TENT5D: variants seen among roughly 807,000 people sequenced by gnomAD.
TENT5D encodes the protein cancer/testis antigen 112.
For synonymous variants in TENT5D, 103 were observed against 100.6 expected, an observed-to-expected ratio of 1.02 and a Z score of -0.15; for missense variants, 191 against 287.0, an observed-to-expected ratio of 0.67 and a Z score of 2.42.
intron 3 of TENT5D, among the ~76,000 whole-genome samples, chrX:80,397,125 T>C (rs1463750887): frequency 1.0e-5 from 1 of 99,155 alleles, no homozygotes; most frequent in Non-Finnish European, 2.0e-5. Context: ...GGCTCCTCAC[T>C]TCTCAGACAG....
At chrX:80,438,000 A>G (rs997656162) in intron 1 of TENT5D, among the ~76,000 whole-genome samples, 32 of 111,750 alleles carry the variant, frequency 2.9e-4, no homozygotes, top group African/African-American at 1.0e-3. Flanking sequence ...TCAGAAAACA[A>G]TATTGCACTG....
At chrX:80,367,154 A>T (rs1298128336) in intron 3 of TENT5D, among the ~76,000 whole-genome samples, 2 of 111,638 alleles carry the variant, frequency 1.8e-5, no homozygotes, top group Non-Finnish European at 3.8e-5. Context: ...ATAACACTTC[A>T]TGTCTTACTA....
exon 3 of TENT5D, chrX:80,442,571 G>T (rs1258045947): frequency 5.8e-6 from 7 of 1,204,710 alleles, no homozygotes; most frequent in Non-Finnish European, 7.8e-6. Flanking sequence ...AATCTCACTT[G>T]GGATCAAGTT....
At chrX:80,398,524 C>G (rs1386885296) in intron 3 of TENT5D, among the ~76,000 whole-genome samples, 3 of 109,766 alleles carry the variant, frequency 2.7e-5, no homozygotes, top group Non-Finnish European at 5.7e-5. Flanking sequence ...TTCTTTCAGT[C>G]GTTTTATCAT....
At chrX:80,425,108 G>A (rs1931965708) in intron 1 of TENT5D, among the ~76,000 whole-genome samples, 1 of 112,380 alleles carries the variant, frequency 8.9e-6, no homozygotes, top group African/African-American at 3.2e-5. Context: ...TAAACCCTTG[G>A]CAAAACACCA....
intron 3 of TENT5D, among the ~76,000 whole-genome samples, chrX:80,365,615 TG>T (rs1260887207): frequency 1.8e-5 from 2 of 110,273 alleles, no homozygotes; most frequent in African/African-American, 6.6e-5. Flanking sequence ...CCGAGGCGGG[TG>T]GATCACTTGA....
At chrX:80,391,671 A>G (rs987432548) in intron 3 of TENT5D, among the ~76,000 whole-genome samples, 10 of 112,650 alleles carry the variant, frequency 8.9e-5, no homozygotes, top group African/African-American at 3.2e-4. Flanking sequence ...AAGTATACAC[A>G]CATTATTTAT....
intron 2 of TENT5D, among the ~76,000 whole-genome samples, chrX:80,442,204 A>G (rs1329316929): frequency 2.7e-5 from 3 of 111,326 alleles, no homozygotes; most frequent in Non-Finnish European, 5.7e-5. Context: ...TTATATCACC[A>G]AAGAAATACC....
intron 3 of TENT5D, among the ~76,000 whole-genome samples, chrX:80,364,000 A>G (rs1314116940): frequency 8.9e-6 from 1 of 112,428 alleles, no homozygotes; most frequent in Non-Finnish European, 1.9e-5. Flanking sequence ...AAACAATACA[A>G]TATTATTAAC....
chrX:80,356,853 TG>T (rs1930295143), intron 3 of TENT5D, among the ~76,000 whole-genome samples: 1 of 111,371 alleles, frequency 9.0e-6, no homozygotes, highest in South Asian at 3.8e-4. Flanking sequence ...GTTGGTGTGC[TG>T]CACCCATTAA....
Position 80,424,941 on chromosome X carries a change from T to C in TENT5D, c.-142+4378T>C, listed in dbSNP as rs189779937. Among the ~76,000 whole-genome samples the C allele has an allele frequency of 7.1e-5, 8 of 112,412 alleles. No individual in the cohort carries two copies. In the East Asian group the frequency reaches 2.2e-3, roughly 31 times the overall value. The stretch of plus-strand genomic sequence containing the variant: ...TTTCTGAGGTTTCAAGAGCATGGTG[T>C]TCTGGGCCTGTTAGAAAATGACTTT... On this transcript the variant is annotated intron_variant, in intron 1 of 2. Transcript: ENST00000308293.
chrX:80,434,473 A>G (rs1245285347), intron 1 of TENT5D, among the ~76,000 whole-genome samples: 1 of 111,967 alleles, frequency 8.9e-6, no homozygotes, highest in African/African-American at 3.2e-5. Context: ...ATTTTTAATT[A>G]AGAAGAATTA....
chrX:80,442,419 T>C (rs1302801643), intron 2 of TENT5D, 103 bp from the exon 3 acceptor site: 7 of 499,761 alleles, frequency 1.4e-5, no homozygotes, highest in Non-Finnish European at 2.3e-5. Flanking sequence ...AGTATTATCA[T>C]GGTTTATGTT....
At chrX:80,420,319 C>A (rs1448627131), upstream of TENT5D, 2 of 109,421 alleles carry the variant, frequency 1.8e-5, no homozygotes, top group African/African-American at 6.7e-5. Flanking sequence ...ATAACATTGT[C>A]TTTTTTGAGA....
rs1932303996 is a variant in TENT5D at position 80,442,513 on chromosome X, G to T, written c.-18-9G>T. The T allele has an allele frequency of 2.7e-6, 3 of 1,130,876 alleles. No homozygotes were observed. The highest frequency in any genetic ancestry group is 1.8e-5 in the African/African-American group (1 of 55,312). The allele number at this position is 1,130,876 out of a possible 1,213,427, so 93.2% of individuals were successfully genotyped here. On this transcript the variant is annotated splice_polypyrimidine_tract_variant and intron_variant, in intron 2 of 2. Transcript: ENST00000308293. ...CATATTTCTTCCCAATATTTTGTTTGCTGTCTAGTGATCTACTGACTTCAC... is the reference window on the plus strand; with the variant it reads ...CATATTTCTTCCCAATATTTTGTTTTCTGTCTAGTGATCTACTGACTTCAC...
chrX:80,434,241 A>G lies in TENT5D; in HGVS notation c.-141-4369A>G, dbSNP rs56684647. On this transcript the variant is annotated intron_variant, in intron 1 of 2. Transcript: ENST00000308293. ...AAAAAAGACAGATCAGGATATAAAT[A>G]GCACTAACATGGAAAGTATATGCCT... 6.5e-3 allele frequency among the ~76,000 whole-genome samples: 711 copies of G among 109,574 alleles called. 6 individuals are homozygous for G. The highest frequency in any genetic ancestry group is 0.022 in the African/African-American group (674 of 30,150).
intron 2 of TENT5D, chrX:80,335,725 C>T (rs1254908284): frequency 6.3e-5 from 7 of 111,585 alleles, no homozygotes; most frequent in Non-Finnish European, 9.4e-5. Flanking sequence ...AGGTATAGGG[C>T]TTTTAACGTA....
At chrX:80,417,127 CTT>C (rs35139192), upstream of TENT5D, among the ~76,000 whole-genome samples, 1 of 107,777 alleles carries the variant, frequency 9.3e-6, no homozygotes, top group African/African-American at 3.4e-5. Flanking sequence ...GCAATCCCTG[CTT>C]TTTTTTTCTA....
chrX:80,343,162 G>A (rs1057263500), intron 3 of TENT5D, among the ~76,000 whole-genome samples: 2 of 111,011 alleles, frequency 1.8e-5, no homozygotes, highest in Non-Finnish European at 3.8e-5. Flanking sequence ...GTACAGGAGT[G>A]CATTAATGCT....
Sources: allele counts gnomAD v4.1 joint callset (sites outside exome capture counted in the v4.1 genomes callset), GRCh38; gene constraint gnomAD v4.1.1; transcripts MANE v1.5; gene names NCBI Gene and HGNC (gene_info 2026-07-23, HGNC 2026-07-21).